The following CHODL variants were observed in gnomAD, a reference collection of about 807,000 sequenced individuals.
CHODL encodes chondrolectin.
In CHODL, 29 loss-of-function variants were observed where a neutral mutation model predicts 34.5. The ratio of observed to expected loss-of-function variants is 0.84; its 90% CI spans 0.63 to 1.15. The LOEUF (loss-of-function observed/expected upper bound fraction) is 1.15. Ranked by LOEUF, CHODL falls within the 50% of genes most tolerant of loss-of-function variation. The pLI, the probability that CHODL is intolerant of heterozygous loss-of-function variation, is 0.00. For missense variants in CHODL, 332 were observed against 332.5 expected, an observed-to-expected ratio of 1.00 and a Z score of 0.01; for synonymous variants, 125 against 116.1, an observed-to-expected ratio of 1.08 and a Z score of -0.49.
intron 1 of CHODL, among the ~76,000 whole-genome samples, chr21:17,992,720 T>TTTG (rs2063808582): frequency 7.3e-5 from 3 of 40,842 alleles, no homozygotes; most frequent in African/African-American, 1.8e-4. Flanking sequence ...GTGGAGTTGT[T>TTTG]TTTTTTTTTT....
chr21:18,224,116 C>T (rs766578621), intron 2 of CHODL, among the ~76,000 whole-genome samples: 6 of 152,146 alleles, frequency 3.9e-5, no homozygotes, highest in Admixed American at 6.5e-5. Context: ...ATTTGTACTC[C>T]AGTTCCCTGA....
At chr21:18,059,048 C>T (rs2064621714) in intron 2 of CHODL, among the ~76,000 whole-genome samples, 1 of 152,160 alleles carries the variant, frequency 6.6e-6, no homozygotes. Flanking sequence ...CCCTTATACC[C>T]TAGTGTGGCT....
intron 4 of CHODL, among the ~76,000 whole-genome samples, chr21:18,260,973 G>A (rs1315252361): frequency 6.6e-6 from 1 of 152,186 alleles, no homozygotes; most frequent in African/African-American, 2.4e-5. Context: ...GCTGGTAAAT[G>A]TTTAGGGATT....
intron 2 of CHODL, among the ~76,000 whole-genome samples, chr21:18,183,551 T>C (rs910561883): frequency 6.6e-6 from 1 of 152,198 alleles, no homozygotes; most frequent in African/African-American, 2.4e-5. Flanking sequence ...TCTCTTTTTT[T>C]CCCTGGGATA....
intron 1 of CHODL, among the ~76,000 whole-genome samples, chr21:17,995,969 A>T (rs2063845449): frequency 6.6e-6 from 1 of 152,158 alleles, no homozygotes; most frequent in Non-Finnish European, 1.5e-5. Flanking sequence ...CAATATGATC[A>T]CTCAATTATC....
At chr21:17,975,105 A>G (rs1456989040) in intron 1 of CHODL, among the ~76,000 whole-genome samples, 2 of 152,062 alleles carry the variant, frequency 1.3e-5, no homozygotes, top group African/African-American at 4.8e-5. Flanking sequence ...AGCCAGGTGG[A>G]ACACGAGGTC....
intron 2 of CHODL, among the ~76,000 whole-genome samples, chr21:18,151,506 A>G (rs1003097572): frequency 1.3e-5 from 2 of 152,328 alleles, no homozygotes; most frequent in Admixed American, 1.3e-4. Context: ...TCTTTACAGT[A>G]AACTGGTAAA....
chr21:18,256,652 G>T lies in CHODL; in HGVS notation c.223G>T (p.Ala75Ser), dbSNP rs778777155. The T allele has an allele frequency of 6.8e-6, 11 of 1,614,094 alleles. No homozygotes were observed. The highest frequency in any genetic ancestry group is 9.3e-6 in the Non-Finnish European group (11 of 1,180,010). The change falls in exon 2 of 6, where the codon GCA becomes TCA. Residue 75 changes from alanine (A) to serine (S), a missense_variant. Coordinates refer to ENST00000299295, the MANE Select transcript of CHODL (RefSeq NM_024944.3). ...GGVLLSLENEAEQKLIESMLQ... is the reference protein window; with the variant it reads ...GGVLLSLENESEQKLIESMLQ... The stretch of plus-strand genomic sequence containing the variant: ...AGTCCTCCTCAGCCTTGAGAATGAA[G>T]CAGAACAGAAGTTAATAGAGAGCAT...
At chr21:17,978,345 C>G (rs1016447983) in intron 1 of CHODL, among the ~76,000 whole-genome samples, 7 of 150,126 alleles carry the variant, frequency 4.7e-5, no homozygotes, top group African/African-American at 1.7e-4. Context: ...TGGTGTGAAC[C>G]TGGCAGGCGG....
intron 2 of CHODL, among the ~76,000 whole-genome samples, chr21:18,097,517 G>T (rs534107227): frequency 1.3e-5 from 2 of 151,922 alleles, no homozygotes; most frequent in Non-Finnish European, 2.9e-5. Context: ...AGCCATGAAA[G>T]TGAAAGATCT....
At chr21:17,928,635 A>T (rs2063247191) in intron 1 of CHODL, among the ~76,000 whole-genome samples, 1 of 152,246 alleles carries the variant, frequency 6.6e-6, no homozygotes, top group African/African-American at 2.4e-5. Context: ...CTAAAAAAAA[A>T]GATGAATTCT....
At chr21:17,934,246 A>ACC (rs2063301766) in intron 1 of CHODL, among the ~76,000 whole-genome samples, 2 of 151,170 alleles carry the variant, frequency 1.3e-5, no homozygotes, top group East Asian at 1.9e-4. Flanking sequence ...AAAAAAAAAA[A>ACC]CACATTCTCA....
intron 2 of CHODL, among the ~76,000 whole-genome samples, chr21:18,056,700 T>C (rs2064585686): frequency 1.3e-5 from 2 of 152,068 alleles, no homozygotes; most frequent in Admixed American, 6.6e-5. Flanking sequence ...CTGAGAGATT[T>C]CTTCAACTTT....
At chr21:18,197,349 G>T (rs2073601145) in intron 2 of CHODL, among the ~76,000 whole-genome samples, 1 of 152,166 alleles carries the variant, frequency 6.6e-6, no homozygotes, top group African/African-American at 2.4e-5. Context: ...AGTGGCTCAT[G>T]CCTCTAATCC....
rs1414511015 is a variant in CHODL at position 18,266,306 on chromosome 21, A to T, written c.*268A>T. On this transcript the variant is annotated 3_prime_UTR_variant, in exon 6 of 6. Coordinates refer to ENST00000299295, the MANE Select transcript of CHODL (RefSeq NM_024944.3). ...CAAGCAAATGAAATGGACAATGCAG[A>T]TAAAGTTGTTATCAACACGTCGGGA... 6 of 1,050,474 alleles carry T rather than the reference A, an allele frequency of 5.7e-6. No individual in the cohort carries two copies. The highest frequency in any genetic ancestry group is 8.0e-6 in the Non-Finnish European group (6 of 753,102). The allele number at this position is 1,050,474 out of a possible 1,614,324, so 65.1% of individuals were successfully genotyped here. A position where few individuals can be genotyped will look rare whatever the true frequency, so the allele number is the denominator to read the frequency against.
chr21:18,077,854 G>A (rs1427198870), intron 2 of CHODL, among the ~76,000 whole-genome samples: 5 of 152,128 alleles, frequency 3.3e-5, no homozygotes, highest in African/African-American at 1.2e-4. Flanking sequence ...ATTGGAATAA[G>A]ACAACCTTAT....
chr21:18,245,384 G>T lies in CHODL; in HGVS notation c.79+82G>T, dbSNP rs368764785. 1.6e-4 allele frequency: 192 copies of T among 1,207,734 alleles called. No homozygotes were observed. In the African/African-American group the frequency reaches 2.7e-3, roughly 17 times the overall value. 74.8% of individuals were successfully genotyped at this position (1,207,734 alleles called of 1,614,324 possible). A position where few individuals can be genotyped will look rare whatever the true frequency, so the allele number is the denominator to read the frequency against. On this transcript the variant is annotated intron_variant, in intron 1 of 5. Transcript: ENST00000299295. The stretch of plus-strand genomic sequence containing the variant: ...GGCGGGCAGCCTGTTCTCGGGCGGA[G>T]GCTCTCCGGGGCGTTGGAAACCTGC...
chr21:18,099,402 A>T (rs888196577), intron 2 of CHODL, among the ~76,000 whole-genome samples: 1 of 151,566 alleles, frequency 6.6e-6, no homozygotes, highest in Non-Finnish European at 1.5e-5. Context: ...AAAAATTTAA[A>T]AATAATAATA....
intron 2 of CHODL, among the ~76,000 whole-genome samples, chr21:18,150,202 T>C (rs573305304): frequency 6.6e-6 from 1 of 152,216 alleles, no homozygotes; most frequent in South Asian, 2.1e-4. Flanking sequence ...GATAAAAGAT[T>C]GTGGAGACCA....
Sources: gnomAD v4.1 joint callset for allele counts (sites outside exome capture counted in the v4.1 genomes callset) on GRCh38, gnomAD v4.1.1 for gene constraint, MANE v1.5 for transcripts, NCBI Gene and HGNC (gene_info 2026-07-23, HGNC 2026-07-21) for gene names.